The following PCDHGA1 variants were observed in gnomAD, a reference collection of about 807,000 sequenced individuals.
PCDHGA1 encodes the protein protocadherin gamma-A1.
Under a neutral mutation model 58.0 loss-of-function variants are expected in PCDHGA1, and 32 were observed. That is an observed-to-expected ratio of 0.55 (90% confidence interval 0.42 to 0.74). PCDHGA1 has a LOEUF of 0.74. Among genes scored for constraint, PCDHGA1 ranks in the 30% least tolerant of loss-of-function variants. The probability of loss-of-function intolerance (pLI) is 0.00; values close to 1 mark genes in which losing one functional copy is unlikely to be tolerated. For missense variants in PCDHGA1, 1,205 were observed against 1,182.3 expected, an observed-to-expected ratio of 1.02 and a Z score of -0.28; for synonymous variants, 498 against 501.1, an observed-to-expected ratio of 0.99 and a Z score of 0.08.
intron 1 of PCDHGA1, among the ~76,000 whole-genome samples, chr5:141,336,135 G>A (rs151078648): frequency 8.1e-4 from 124 of 152,292 alleles, no homozygotes; most frequent in African/African-American, 2.6e-3. Context: ...CCATGGAAGA[G>A]TTCTGAGGAT....
intron 1 of PCDHGA1, chr5:141,405,103 G>T (rs368202826): frequency 3.1e-6 from 5 of 1,613,804 alleles, no homozygotes; most frequent in Non-Finnish European, 4.2e-6. Flanking sequence ...TCAGGCTGAG[G>T]CACTGGCACT....
rs747509171 is a variant in PCDHGA1, at chr5:141,477,069, A to G, written c.2422-17738A>G. The stretch of plus-strand genomic sequence containing the variant: ...CTGGACTTCGAGGACACCAAACTCC[A>G]TGAGATTTACATCCAGGCCAAAGAC... On this transcript the variant is annotated intron_variant, in intron 1 of 3. Coordinates refer to ENST00000517417, the MANE Select transcript of PCDHGA1 (RefSeq NM_018912.3). The surrounding 1 kb of genome is among the most constrained non-coding windows in gnomAD (Gnocchi z 4.9). 7 of 1,614,246 alleles carry G rather than the reference A, an allele frequency of 4.3e-6. No homozygotes were observed. The highest frequency in any genetic ancestry group is 5.9e-6 in the Non-Finnish European group (7 of 1,180,026).
chr5:141,349,577 C>A (rs1181404726), intron 1 of PCDHGA1, among the ~76,000 whole-genome samples: 2 of 152,028 alleles, frequency 1.3e-5, no homozygotes, highest in African/African-American at 4.8e-5. Context: ...GCTGTGATTT[C>A]CTCTTTTTTG....
chr5:141,489,166 C>A lies in PCDHGA1; in HGVS notation c.2422-5641C>A. The A allele has an allele frequency of 9.1e-7, 1 of 1,099,536 alleles. No individual in the cohort carries two copies. The highest frequency in any genetic ancestry group is 1.3e-6 in the Non-Finnish European group (1 of 761,554). The allele number at this position is 1,099,536 out of a possible 1,614,324, so 68.1% of individuals were successfully genotyped here. ...AAGGAGACATAAGAGACTTCAGCTGCTGCATTCCAAGCCCTGGGTCTACCT... is the reference window on the plus strand; with the variant it reads ...AAGGAGACATAAGAGACTTCAGCTGATGCATTCCAAGCCCTGGGTCTACCT... On this transcript the variant is annotated intron_variant, in intron 1 of 3. Transcript: ENST00000517417. This position sits in a 1 kb window ranked among gnomAD's most constrained non-coding sequence, Gnocchi z 4.5.
chr5:141,383,492 G>C (rs1012277194), intron 1 of PCDHGA1: 3 of 1,613,178 alleles, frequency 1.9e-6, no homozygotes, highest in Non-Finnish European at 2.5e-6. Flanking sequence ...GTGCTGGAGC[G>C]GGTGCTGGAC....
At position 141,489,062 on chromosome 5, in the gene PCDHGA1, C is replaced by G. The variant is rs1466124551; in HGVS notation, c.2422-5745C>G. Reference sequence around the variant, plus strand: ...GCTCCACTCAAATTCAGCTCCCCTCCCCCCTGCCCACCCCCGCCACTCGGT... The same window carrying G: ...GCTCCACTCAAATTCAGCTCCCCTCGCCCCTGCCCACCCCCGCCACTCGGT... On this transcript the variant is annotated intron_variant, in intron 1 of 3. Transcript: ENST00000517417. This position sits in a 1 kb window ranked among gnomAD's most constrained non-coding sequence, Gnocchi z 4.5. 5.3e-6 allele frequency: 2 copies of G among 378,914 alleles called. No homozygotes were observed. Among genetic ancestry groups the G allele is most frequent in the Non-Finnish European group, 9.5e-6 (2 of 209,830 alleles). 23.5% of individuals were successfully genotyped at this position (378,914 alleles called of 1,614,324 possible).
In PCDHGA1 at chr5:141,486,005, A is replaced by G. The variant is rs1057476811; in HGVS notation, c.2422-8802A>G. On this transcript the variant is annotated intron_variant, in intron 1 of 3. Transcript: ENST00000517417. This position sits in a 1 kb window ranked among gnomAD's most constrained non-coding sequence, Gnocchi z 5.0. Reference sequence around the variant, plus strand: ...GGACCTGGGTCCCAGTGGTAACGTCACCTTTTATTTCAGTGGTCATACCCC... The same window carrying G: ...GGACCTGGGTCCCAGTGGTAACGTCGCCTTTTATTTCAGTGGTCATACCCC... 1.9e-6 allele frequency: 3 copies of G among 1,613,936 alleles called. No homozygotes were observed. The Admixed American group carries it at 5.0e-5, about 27-fold the overall frequency.
rs1196083589 is a variant in PCDHGA1, at chr5:141,486,525, A to G, written c.2422-8282A>G. On this transcript the variant is annotated intron_variant, in intron 1 of 3. Coordinates refer to ENST00000517417, the MANE Select transcript of PCDHGA1 (RefSeq NM_018912.3). This position sits in a 1 kb window ranked among gnomAD's most constrained non-coding sequence, Gnocchi z 5.0. ...CTCAATATTTCAGATGTGAATGATA[A>G]TCCACCCTCTTTCTTTCAGAGGTCA... 1 of 1,614,158 alleles carries G rather than the reference A, an allele frequency of 6.2e-7. No individual in the cohort carries two copies. Among genetic ancestry groups the G allele is most frequent in the African/African-American group, 1.3e-5 (1 of 75,054 alleles).
At position 141,453,908 on chromosome 5, in the gene PCDHGA1, A is replaced by T. The variant is rs1198219869; in HGVS notation, c.2422-40899A>T. On this transcript the variant is annotated intron_variant, in intron 1 of 3. Transcript: ENST00000517417. ...CCAATCACATGACTTCTTTCAAAGT[A>T]TGTCAGTGATCAGTCACTGTGTGCC... Among the ~76,000 whole-genome samples, 4 of 152,242 alleles carry T rather than the reference A, an allele frequency of 2.6e-5. No homozygotes were observed. The East Asian group carries it at 5.8e-4, about 22-fold the overall frequency.
chr5:141,364,290 G>C, intron 1 of PCDHGA1: 2 of 1,518,718 alleles, frequency 1.3e-6, no homozygotes, highest in Non-Finnish European at 1.8e-6. Context: ...GAAACAGCAG[G>C]CTGAACCAGA....
At chr5:141,347,137 C>CTCTTTCTTTCTT (rs70988799) in intron 1 of PCDHGA1, among the ~76,000 whole-genome samples, 9,672 of 113,750 alleles carry the variant, frequency 0.085, 721 homozygotes, top group Non-Finnish European at 0.092. Flanking sequence ...CTCTGTTTCT[C>CTCTTTCTTTCTT]TCTTTCTTTC....
intron 1 of PCDHGA1, chr5:141,400,049 C>G (rs1242848324): frequency 6.2e-7 from 1 of 1,613,572 alleles, no homozygotes; most frequent in Non-Finnish European, 8.5e-7. Context: ...CTGCTGGTTG[C>G]TGTGCGTGAT....
chr5:141,398,874 C>G (rs1384943457), intron 1 of PCDHGA1: 1 of 1,613,978 alleles, frequency 6.2e-7, no homozygotes, highest in South Asian at 1.1e-5. Context: ...TGTACAGAGT[C>G]AGCCTTCGGG....
At chr5:141,433,264 G>T in intron 1 of PCDHGA1, 1 of 1,314,872 alleles carries the variant, frequency 7.6e-7, no homozygotes, top group South Asian at 1.4e-5. Flanking sequence ...TACGATCATA[G>T]CTCACTGCAG....
Position 141,332,966 on chromosome 5 carries a change from C to A in PCDHGA1, c.2282C>A (p.Ala761Glu), listed in dbSNP as rs1756438834. Residue 761 changes from alanine to glutamate, a missense_variant, in exon 1 of 4, where the codon GCG (alanine) becomes GAG (glutamate). By Grantham distance (107) the Ala-to-Glu change is moderately radical (BLOSUM62 -1). Coordinates refer to ENST00000517417, the MANE Select transcript of PCDHGA1 (RefSeq NM_018912.3). The surrounding 1 kb of genome is among the most constrained non-coding windows in gnomAD (Gnocchi z 4.6). ...TATTCCCACGAGGTCTCCCTCACTG[C>A]GGACTCGCGGAAGAGCCACCTGATT... ...QTYSHEVSLT[A>E]DSRKSHLIFP... 1 of 1,614,200 alleles carries A rather than the reference C, an allele frequency of 6.2e-7. No homozygotes were observed. Among genetic ancestry groups the A allele is most frequent in the Non-Finnish European group, 8.5e-7 (1 of 1,180,040 alleles).
chr5:141,341,098 C>T (rs1400825759), intron 1 of PCDHGA1: 3 of 1,614,256 alleles, frequency 1.9e-6, no homozygotes, highest in Admixed American at 3.3e-5. Context: ...CCTTCGTCAT[C>T]GTGTTGCTGG....
chr5:141,379,388 A>G (rs1218956688), intron 1 of PCDHGA1: 1 of 152,228 alleles, frequency 6.6e-6, no homozygotes, highest in Non-Finnish European at 1.5e-5. Flanking sequence ...AACAATTTTA[A>G]ACAACTTGAA....
chr5:141,401,295 TCA>T (rs2094138879), intron 1 of PCDHGA1, among the ~76,000 whole-genome samples: 2 of 151,856 alleles, frequency 1.3e-5, no homozygotes, highest in Non-Finnish European at 2.9e-5. Flanking sequence ...TGAGCCGAGA[TCA>T]CTCCATTGCA....
At position 141,415,363 on chromosome 5, in the gene PCDHGA1, C is replaced by T. The variant is rs62378454; in HGVS notation, c.2422-79444C>T. 7,186 of 1,614,240 alleles carry T rather than the reference C, an allele frequency of 4.5e-3. 30 individuals carry two copies. Among genetic ancestry groups the T allele is most frequent in the South Asian group, 5.6e-3 (509 of 91,092 alleles). Reference sequence around the variant, plus strand: ...GCGCTGGCACAAGTCACGCCTGCTGCAGGCTTCAGGAGGCGGCTTGACAGG... The same window carrying T: ...GCGCTGGCACAAGTCACGCCTGCTGTAGGCTTCAGGAGGCGGCTTGACAGG... On this transcript the variant is annotated intron_variant, in intron 1 of 3. Transcript: ENST00000517417.
Sources: allele counts gnomAD v4.1 joint callset (sites outside exome capture counted in the v4.1 genomes callset), GRCh38; gene constraint gnomAD v4.1.1; non-coding constraint Gnocchi (gnomAD v3.1); transcripts MANE v1.5; gene names NCBI Gene and HGNC (gene_info 2026-07-23, HGNC 2026-07-21).